Variants in FHL1 observed in about 807,000 individuals in gnomAD.
FHL1 encodes the protein four and a half LIM domains 1.
FHL1 carries 1 observed loss-of-function variant against 20.3 expected under a neutral mutation model. That is an observed-to-expected ratio of 0.05 (90% CI 0.02 to 0.23). FHL1 has a LOEUF of 0.23. Ranked by LOEUF, FHL1 falls within the 10% of genes least tolerant of loss-of-function variation. The pLI is 1.00. For synonymous variants in FHL1, 82 were observed against 88.9 expected, an observed-to-expected ratio of 0.92 and a Z score of 0.44; for missense variants, 177 against 234.0, an observed-to-expected ratio of 0.76 and a Z score of 1.59.
chrX:136,162,119 T>C (rs1209654021), intron 1 of FHL1, among the ~76,000 whole-genome samples: 1 of 26,625 alleles, frequency 3.8e-5, no homozygotes, highest in African/African-American at 8.8e-5. Context: ...AGAGACCCTG[T>C]CTCAAAAAAA....
chrX:136,198,732 A>G (rs1419823083), intron 1 of FHL1, among the ~76,000 whole-genome samples: 1 of 111,876 alleles, frequency 8.9e-6, no homozygotes, highest in Non-Finnish European at 1.9e-5. Context: ...AACAATGTAT[A>G]CTCTTGACAT....
chrX:136,203,048 G>A (rs1003745519), intron 1 of FHL1, among the ~76,000 whole-genome samples: 1 of 112,581 alleles, frequency 8.9e-6, no homozygotes, highest in South Asian at 3.7e-4. Flanking sequence ...TTAGAAGTAC[G>A]TGACGTAAGC....
chrX:136,208,557 G>T lies in FHL1; in HGVS notation c.652G>T (p.Ala218Ser). ...GAAGCTGGCTGGGCAGCGTTTCACC[G>T]CTGTGGAGGACCAGTATTACTGCGT... is the stretch of plus-strand genomic sequence containing the variant. Reference protein sequence around the residue: ...SKKLAGQRFTAVEDQYYCVDC... With the variant: ...SKKLAGQRFTSVEDQYYCVDC... The change falls in exon 5 of 6, where the codon GCT becomes TCT. Residue 218 changes from alanine to serine, a missense_variant. By Grantham distance (99) the Ala-to-Ser change is moderately conservative. Transcript: ENST00000370683. 8.3e-7 allele frequency: 1 copy of T among 1,211,374 alleles called. No individual in the cohort carries two copies. The highest frequency in any genetic ancestry group is 1.1e-6 in the Non-Finnish European group (1 of 895,239).
In FHL1 at chrX:136,210,420, G is replaced by A. The variant is rs1400122562; in HGVS notation, c.*395G>A. On this transcript the variant is annotated 3_prime_UTR_variant, in exon 6 of 6. Transcript: ENST00000370683. ...GCTGGGACCCACCGTGTAGACACAC[G>A]ACATGCAAGAGTTGCAGCGGCTGCT... is the stretch of plus-strand genomic sequence containing the variant. 12 of 393,090 alleles carry A rather than the reference G, an allele frequency of 3.1e-5. No individual in the cohort carries two copies. Among genetic ancestry groups the A allele is most frequent in the South Asian group, 5.2e-5 (2 of 38,809 alleles). 32.4% of individuals were successfully genotyped at this position (393,090 alleles called of 1,213,427 possible).
chrX:136,153,419 A>G (rs2072328462), intron 1 of FHL1, among the ~76,000 whole-genome samples: 1 of 111,462 alleles, frequency 9.0e-6, no homozygotes, highest in Non-Finnish European at 1.9e-5. Context: ...TGATATCCAC[A>G]TAGAACTGTG....
At chrX:136,179,079 T>C (rs2073088099) in intron 2 of FHL1, among the ~76,000 whole-genome samples, 1 of 112,160 alleles carries the variant, frequency 8.9e-6, no homozygotes. Flanking sequence ...TCTGTACACA[T>C]TCATTAGGGC....
At chrX:136,170,146 C>T (rs984672526) in intron 2 of FHL1, among the ~76,000 whole-genome samples, 1 of 111,315 alleles carries the variant, frequency 9.0e-6, no homozygotes, top group Non-Finnish European at 1.9e-5. Flanking sequence ...TATTAGCTCT[C>T]GGGGGCAATG....
rs143635535 is a variant in FHL1 at position 136,208,373 on chromosome X, C to T, written c.550-82C>T. The T allele has an allele frequency of 1.2e-4, 125 of 1,050,317 alleles. No homozygotes were observed. The African/African-American group carries it at 1.8e-3, about 15-fold the overall frequency. The allele number at this position is 1,050,317 out of a possible 1,213,427, so 86.6% of individuals were successfully genotyped here. A position where few individuals can be genotyped will look rare whatever the true frequency, so the allele number is the denominator to read the frequency against. ...AAATGAGATATTGTATACCAAAGCGCCCAGCACAGTGCCTGGCACGCAGTA... is the reference window on the plus strand; with the variant it reads ...AAATGAGATATTGTATACCAAAGCGTCCAGCACAGTGCCTGGCACGCAGTA... On this transcript the variant is annotated intron_variant, in intron 4 of 5. Transcript: ENST00000370683.
At chrX:136,167,945 G>T (rs1169542221), upstream of FHL1, 5 of 112,084 alleles carry the variant, frequency 4.5e-5, no homozygotes, top group African/African-American at 9.7e-5. Flanking sequence ...CGAAAGAGAG[G>T]TATATTTGGT....
At chrX:136,167,705 G>C (rs1333721983), upstream of FHL1, 1 of 111,776 alleles carries the variant, frequency 8.9e-6, no homozygotes, top group African/African-American at 3.3e-5. Flanking sequence ...GCTGGAATGT[G>C]CAGAGGTGAG....
At chrX:136,171,360 T>C (rs1367694273) in intron 2 of FHL1, among the ~76,000 whole-genome samples, 3 of 111,936 alleles carry the variant, frequency 2.7e-5, no homozygotes, top group Non-Finnish European at 5.6e-5. Flanking sequence ...AGGCTGTGAC[T>C]CTCTGTCACC....
chrX:136,207,364 C>A, intron 3 of FHL1, 174 bp downstream of exon 3: 2 of 469,038 alleles, frequency 4.3e-6, no homozygotes, highest in Non-Finnish European at 7.2e-6. Context: ...TGCTCGCACA[C>A]ACGCACACAC....
Position 136,211,283 on chromosome X carries a change from A to G in FHL1, c.*1258A>G, listed in dbSNP as rs2074007456. On this transcript the variant is annotated 3_prime_UTR_variant, in exon 6 of 6. Transcript: ENST00000370683. ...TTAGAGAAGCTGATGCCTCATTTCTACATTCTGTCATTAGCTATTATCATC... is the reference window on the plus strand; with the variant it reads ...TTAGAGAAGCTGATGCCTCATTTCTGCATTCTGTCATTAGCTATTATCATC... 6.2e-6 allele frequency: 2 copies of G among 324,606 alleles called. No homozygotes were observed. The highest frequency in any genetic ancestry group is 1.2e-5 in the Non-Finnish European group (2 of 169,270). 26.8% of individuals were successfully genotyped at this position (324,606 alleles called of 1,213,427 possible).
chrX:136,147,138 G>C (rs2072114887), upstream of FHL1: 1 of 203,817 alleles, frequency 4.9e-6, no homozygotes, highest in Admixed American at 5.8e-5. Context: ...ACCGCTGCGC[G>C]AGGGAGGGGG....
chrX:136,149,310 C>T (rs767019912), intron 1 of FHL1, among the ~76,000 whole-genome samples: 2 of 112,390 alleles, frequency 1.8e-5, no homozygotes, highest in African/African-American at 3.2e-5. Flanking sequence ...TTTGCCTTTA[C>T]AAACTCATGT....
At chrX:136,171,577 C>T (rs975598623) in intron 2 of FHL1, among the ~76,000 whole-genome samples, 1 of 112,834 alleles carries the variant, frequency 8.9e-6, no homozygotes, top group African/African-American at 3.2e-5. Flanking sequence ...CCTGACTATG[C>T]ATATGCATTG....
chrX:136,188,478 T>C (rs1243236247), intron 2 of FHL1, among the ~76,000 whole-genome samples: 1 of 111,258 alleles, frequency 9.0e-6, no homozygotes, highest in Non-Finnish European at 1.9e-5. Context: ...GAGCCTATTA[T>C]GATAGGAGGA....
chrX:136,183,931 A>T (rs1317211965), intron 2 of FHL1, among the ~76,000 whole-genome samples: 2 of 111,857 alleles, frequency 1.8e-5, no homozygotes, highest in Non-Finnish European at 3.8e-5. Context: ...CATGAAAACA[A>T]TACCTGGTTT....
At chrX:136,201,107 T>C (rs1419630897) in intron 1 of FHL1, among the ~76,000 whole-genome samples, 1 of 111,712 alleles carries the variant, frequency 9.0e-6, no homozygotes, top group African/African-American at 3.3e-5. Flanking sequence ...GAAGTTACAG[T>C]GAACAGAGAT....
Sources: gnomAD v4.1 joint callset for allele counts (sites outside exome capture counted in the v4.1 genomes callset) on GRCh38, gnomAD v4.1.1 for gene constraint, MANE v1.5 for transcripts, NCBI Gene and HGNC (gene_info 2026-07-23, HGNC 2026-07-21) for gene names.